The following MME variants were observed in gnomAD, a reference collection of about 807,000 sequenced individuals.
MME encodes the protein membrane metalloendopeptidase.
A neutral mutation model predicts 113.2 loss-of-function variants in MME; 98 were observed. That is an observed-to-expected ratio of 0.87 (90% CI 0.74 to 1.02). The LOEUF (loss-of-function observed/expected upper bound fraction) is 1.02, where lower values mean the gene tolerates loss of function less well. MME is among the 50% of genes least tolerant of loss of function. The pLI, the probability that MME is intolerant of heterozygous loss-of-function variation, is 0.00. For synonymous variants in MME, 292 were observed against 300.6 expected, an observed-to-expected ratio of 0.97 and a Z score of 0.30; for missense variants, 836 against 896.0, an observed-to-expected ratio of 0.93 and a Z score of 0.86.
At chr3:155,063,278 T>A (rs1222814906) in intron 1 of MME, among the ~76,000 whole-genome samples, 1 of 115,356 alleles carries the variant, frequency 8.7e-6, no homozygotes, top group East Asian at 2.4e-4. Context: ...TATTTATATA[T>A]TATAATATAT....
intron 14 of MME, among the ~76,000 whole-genome samples, chr3:155,145,246 G>A (rs1006183573): frequency 6.6e-6 from 1 of 152,052 alleles, no homozygotes; most frequent in African/African-American, 2.4e-5. Flanking sequence ...TGCATGACAT[G>A]GCTCTGCTTG....
intron 8 of MME, among the ~76,000 whole-genome samples, chr3:155,122,286 T>C (rs1240331212): frequency 1.3e-4 from 20 of 151,964 alleles, no homozygotes; most frequent in African/African-American, 3.9e-4. Flanking sequence ...TTTTTTATTG[T>C]GTCTATTTGA....
chr3:155,135,170 T>C lies in MME; in HGVS notation c.721-2932T>C, dbSNP rs1720526615. On this transcript the variant is annotated intron_variant, in intron 8 of 22. Transcript: ENST00000360490. Reference sequence around the variant, plus strand: ...GGTCCCACTTGTCAATATTTGTTTTTGTTGCAATTCCTTTTGAGGACTTAG... The same window carrying C: ...GGTCCCACTTGTCAATATTTGTTTTCGTTGCAATTCCTTTTGAGGACTTAG... 2.6e-5 allele frequency among the ~76,000 whole-genome samples: 4 copies of C among 152,294 alleles called. No homozygotes were observed. In the South Asian group the frequency reaches 8.3e-4, roughly 32 times the overall value.
intron 16 of MME, among the ~76,000 whole-genome samples, chr3:155,153,941 G>T (rs1722135897): frequency 6.6e-6 from 1 of 152,016 alleles, no homozygotes; most frequent in South Asian, 2.1e-4. Context: ...TGAAAGGCGG[G>T]GTTTGGTTGC....
chr3:155,128,852 C>T (rs887354739), intron 8 of MME, among the ~76,000 whole-genome samples: 1 of 152,086 alleles, frequency 6.6e-6, no homozygotes, highest in African/African-American at 2.4e-5. Context: ...GAAAGAAGAA[C>T]CCAATCTTTT....
At chr3:155,061,304 A>G (rs1315858676) in intron 1 of MME, among the ~76,000 whole-genome samples, 2 of 152,110 alleles carry the variant, frequency 1.3e-5, no homozygotes, top group East Asian at 2.0e-4. Flanking sequence ...ACAAAAAATT[A>G]GCTGGGCGTG....
At chr3:155,055,672 T>G (rs903533091) in intron 1 of MME, among the ~76,000 whole-genome samples, 5 of 152,114 alleles carry the variant, frequency 3.3e-5, no homozygotes, top group African/African-American at 7.2e-5. Flanking sequence ...TCTGTGAAAT[T>G]AAAAGTTAGG....
intron 1 of MME, among the ~76,000 whole-genome samples, chr3:155,063,668 ATATATTATATTATATTATATTATAT>A (rs59175839): frequency 9.0e-6 from 1 of 111,392 alleles, no homozygotes; most frequent in Non-Finnish European, 1.7e-5. Flanking sequence ...ATAACATATT[ATATATTATATTATATTATATTATAT>A]TATATTATAT....
intron 1 of MME, among the ~76,000 whole-genome samples, chr3:155,046,060 A>G (rs1356946439): frequency 6.6e-6 from 1 of 152,122 alleles, no homozygotes; most frequent in African/African-American, 2.4e-5. Flanking sequence ...ATTTTCTTCA[A>G]CTAGCTTTTG....
intron 22 of MME, among the ~76,000 whole-genome samples, chr3:155,178,127 A>G (rs529247231): frequency 6.6e-6 from 1 of 152,202 alleles, no homozygotes; most frequent in East Asian, 1.9e-4. Flanking sequence ...AAGGCCAATC[A>G]TCTCCCTGAC....
At chr3:155,145,722 C>T (rs768735748) in intron 14 of MME, among the ~76,000 whole-genome samples, 1 of 152,108 alleles carries the variant, frequency 6.6e-6, no homozygotes, top group South Asian at 2.1e-4. Context: ...AATGTTTTTG[C>T]GACAGCATTT....
chr3:155,035,696 G>C (rs902279933), intron 1 of MME, among the ~76,000 whole-genome samples: 1 of 152,180 alleles, frequency 6.6e-6, no homozygotes, highest in South Asian at 2.1e-4. Flanking sequence ...TTTAAGTTCA[G>C]CGTAGCTGGC....
chr3:155,136,557 G>A (rs1015871932), intron 8 of MME, among the ~76,000 whole-genome samples: 3 of 152,140 alleles, frequency 2.0e-5, no homozygotes, highest in African/African-American at 7.2e-5. Flanking sequence ...GAAAAGAACT[G>A]TTTACTTAGC....
chr3:155,100,998 G>A (rs1473679642), intron 3 of MME, among the ~76,000 whole-genome samples: 1 of 152,166 alleles, frequency 6.6e-6, no homozygotes, highest in Non-Finnish European at 1.5e-5. Flanking sequence ...GATCATGGGG[G>A]CAGATCCCTA....
intron 13 of MME, among the ~76,000 whole-genome samples, chr3:155,144,093 T>A (rs1285722191): frequency 6.6e-6 from 1 of 152,172 alleles, no homozygotes; most frequent in East Asian, 1.9e-4. Context: ...TCTTCCAGTA[T>A]GATAGTGAAA....
At chr3:155,166,252 A>C (rs1211688012) in intron 17 of MME, among the ~76,000 whole-genome samples, 1 of 152,156 alleles carries the variant, frequency 6.6e-6, no homozygotes, top group African/African-American at 2.4e-5. Context: ...TCTGCTCTCA[A>C]AGGGCTAATA....
chr3:155,146,210 A>G (rs1483415037), intron 14 of MME, among the ~76,000 whole-genome samples: 1 of 152,226 alleles, frequency 6.6e-6, no homozygotes, highest in Non-Finnish European at 1.5e-5. Flanking sequence ...ATTTTAAAAT[A>G]ATTAAAAATG....
At chr3:155,133,296 G>A (rs969917855) in intron 8 of MME, among the ~76,000 whole-genome samples, 2 of 151,316 alleles carry the variant, frequency 1.3e-5, no homozygotes, top group Non-Finnish European at 2.9e-5. Flanking sequence ...CAGTTACATT[G>A]GAGTAGTTAC....
At chr3:155,081,074 A>T (rs76144601) in intron 1 of MME, 9 of 152,250 alleles carry the variant, frequency 5.9e-5, no homozygotes, top group African/African-American at 2.2e-4. Context: ...AAGATGATTT[A>T]TCCTGAGTAC....
Sources: gnomAD v4.1 joint callset for allele counts (sites outside exome capture counted in the v4.1 genomes callset) on GRCh38, gnomAD v4.1.1 for gene constraint, MANE v1.5 for transcripts, NCBI Gene and HGNC (gene_info 2026-07-23, HGNC 2026-07-21) for gene names.